Variants in PSMD9 observed in about 807,000 individuals in gnomAD.
PSMD9 encodes the protein proteasome 26S subunit, non-ATPase 9, also known as 26S proteasome non-ATPase regulatory subunit 9.
In PSMD9, 26 loss-of-function variants were observed where a neutral mutation model predicts 25.9. That is an observed-to-expected ratio of 1.00 (90% CI 0.73 to 1.39). The LOEUF is 1.39. Among genes scored for constraint, PSMD9 ranks in the 40% most tolerant of loss-of-function variants. The probability of loss-of-function intolerance (pLI) is 0.00; values close to 1 mark genes in which losing one functional copy is unlikely to be tolerated. For synonymous variants in PSMD9, 110 were observed against 114.5 expected (o/e 0.96, Z 0.25); for missense variants, 303 against 299.3 (o/e 1.01, Z -0.09).
At chr12:121,900,426 C>T (rs1879359328) in intron 3 of PSMD9, among the ~76,000 whole-genome samples, 1 of 151,900 alleles carries the variant, frequency 6.6e-6, no homozygotes, top group African/African-American at 2.4e-5. Flanking sequence ...AGCATTGGCT[C>T]ACGCCTGTAA....
At chr12:121,907,857 T>C (rs546026869) in intron 4 of PSMD9, among the ~76,000 whole-genome samples, 5 of 152,126 alleles carry the variant, frequency 3.3e-5, no homozygotes, top group African/African-American at 1.2e-4. Context: ...CTGGGCAATA[T>C]TGTGAGACTG....
intron 2 of PSMD9, 113 bp downstream of exon 2, chr12:121,894,954 G>T (rs1304946913): frequency 8.7e-6 from 8 of 922,774 alleles, no homozygotes; most frequent in South Asian, 1.5e-5. Flanking sequence ...GCCTTGATGG[G>T]ATTGTCTTGT....
At chr12:121,915,808 C>G (rs778292197) in intron 4 of PSMD9, 48 bp from the exon 5 acceptor site, 3 of 1,490,274 alleles carry the variant, frequency 2.0e-6, no homozygotes, top group Non-Finnish European at 1.8e-6. Flanking sequence ...GCCTGCATCT[C>G]TGAGTACTAA....
In PSMD9 at chr12:121,907,034, G is replaced by A. The variant is rs556785076; in HGVS notation, c.555+3927G>A. Among the ~76,000 whole-genome samples the A allele has an allele frequency of 1.7e-4, 25 of 150,046 alleles. No homozygotes were observed. The South Asian group carries it at 2.1e-3, about 13-fold the overall frequency. On this transcript the variant is annotated intron_variant, in intron 4 of 5. Coordinates refer to ENST00000541212, the MANE Select transcript of PSMD9 (RefSeq NM_002813.7). ...AGACATTTAGATAGTTTGCCATTTT[G>A]TGGAGATTAACACTCTTGCAGATGG...
At chr12:121,900,246 T>C (rs1468269844) in intron 3 of PSMD9, among the ~76,000 whole-genome samples, 3 of 152,202 alleles carry the variant, frequency 2.0e-5, no homozygotes, top group Admixed American at 1.3e-4. Flanking sequence ...CAGTGGCTCA[T>C]GCGTGTAATC....
At chr12:121,909,522 T>C (rs1425071154) in intron 4 of PSMD9, among the ~76,000 whole-genome samples, 1 of 151,848 alleles carries the variant, frequency 6.6e-6, no homozygotes. Flanking sequence ...GGTCTTGCTA[T>C]GTTGCCTAGG....
intron 1 of PSMD9, among the ~76,000 whole-genome samples, chr12:121,891,742 C>T (rs113437513): frequency 4.3e-4 from 65 of 151,524 alleles, no homozygotes; most frequent in Admixed American, 6.6e-4. Flanking sequence ...CCCGTCTCAA[C>T]GAAAAATACA....
intron 3 of PSMD9, among the ~76,000 whole-genome samples, chr12:121,900,517 C>T (rs1188071490): frequency 6.6e-6 from 1 of 150,544 alleles, no homozygotes; most frequent in African/African-American, 2.4e-5. Flanking sequence ...ATGGCGAAAC[C>T]CCGTCTCTAC....
rs563939839 is a variant in PSMD9 at position 121,901,666 on chromosome 12, C to CTTTTTTTTTTTTTTTT, written c.454-1328_454-1313dup. On this transcript the variant is annotated intron_variant, in intron 3 of 5. Transcript: ENST00000541212. ...TGTCATGCCTGGCCCTTCATTCCTT[C>CTTTTTTTTTTTTTTTT]TTTTTTTTTTTTTTTTTTTTTTTTT... 7.5e-4 allele frequency among the ~76,000 whole-genome samples: 70 copies of CTTTTTTTTTTTTTTTT among 93,600 alleles called. 5 individuals carry two copies. The highest frequency in any genetic ancestry group is 1.2e-3 in the African/African-American group (20 of 16,984). 61.4% of individuals were successfully genotyped at this position (93,600 alleles called of 152,430 possible).
chr12:121,910,741 C>G (rs1355351119), intron 4 of PSMD9, among the ~76,000 whole-genome samples: 2 of 150,392 alleles, frequency 1.3e-5, no homozygotes, highest in African/African-American at 4.9e-5. Context: ...GCCTGGGTGA[C>G]AAGAGTGAAA....
chr12:121,895,917 A>C lies in PSMD9; in HGVS notation c.241+1076A>C, dbSNP rs188654221. Among the ~76,000 whole-genome samples the C allele has an allele frequency of 1.3e-3, 202 of 152,312 alleles. 1 individual carries two copies. Among genetic ancestry groups the C allele is most frequent in the Admixed American group, 4.1e-3 (62 of 15,296 alleles). ...AGGTAGGCAACCGTCTCCACCACAG[A>C]GTCCTATTAGCATTTATCCTCCACA... On this transcript the variant is annotated intron_variant, in intron 2 of 5. Transcript: ENST00000541212.
rs1024034232 is a variant in PSMD9, at chr12:121,916,814, G to C, written c.*503G>C. The C allele has an allele frequency of 1.3e-5, 2 of 158,034 alleles. No homozygotes were observed. The highest frequency in any genetic ancestry group is 4.8e-5 in the African/African-American group (2 of 41,498). The allele number at this position is 158,034 out of a possible 1,614,324, so 9.8% of individuals were successfully genotyped here. On this transcript the variant is annotated 3_prime_UTR_variant, in exon 6 of 6. Coordinates refer to ENST00000541212, the MANE Select transcript of PSMD9 (RefSeq NM_002813.7). ...CCTTGCTGCTGTGGATACGGAAATG[G>C]TTAAGTACTGTGCTTCCTCAGCAGC...
chr12:121,908,750 T>C (rs1181034981), intron 4 of PSMD9, among the ~76,000 whole-genome samples: 1 of 151,706 alleles, frequency 6.6e-6, no homozygotes, highest in Non-Finnish European at 1.5e-5. Context: ...ATTGAAGGAG[T>C]GTTCCTCAGG....
Position 121,899,729 on chromosome 12 carries a change from G to A in PSMD9, c.337G>A (p.Ala113Thr), listed in dbSNP as rs372224851. The change falls in exon 3 of 6, where the codon GCT (alanine) becomes ACT (threonine). Residue 113 changes from alanine to threonine, a missense_variant. Transcript: ENST00000541212. ...CAAGGAGAAGCAGGCCCGGGACATG[G>A]CTGAGGCCCACAAAGAGGCCATGAG... ...RDKEKQARDMAEAHKEAMSRK... is the reference protein window; with the variant it reads ...RDKEKQARDMTEAHKEAMSRK... The A allele has an allele frequency of 8.1e-6, 13 of 1,614,024 alleles. No homozygotes were observed. Among genetic ancestry groups the A allele is most frequent in the Non-Finnish European group, 1.1e-5 (13 of 1,180,026 alleles).
rs1879954838 is a variant in PSMD9 at position 121,917,564 on chromosome 12, G to GC, written c.*1256dup. ...CTGTTTTGGCAGTTCTGCCAGGCAA[G>GC]CCCTGTGTTCCTTGGGACTGGTTTT... On this transcript the variant is annotated 3_prime_UTR_variant, in exon 6 of 6. Transcript: ENST00000541212. 6.6e-6 allele frequency: 1 copy of GC among 152,252 alleles called. No individual in the cohort carries two copies. Among genetic ancestry groups the GC allele is most frequent in the South Asian group, 2.1e-4 (1 of 4,834 alleles). The allele number at this position is 152,252 out of a possible 1,614,324, so 9.4% of individuals were successfully genotyped here. A position where few individuals can be genotyped will look rare whatever the true frequency, so the allele number is the denominator to read the frequency against.
intron 4 of PSMD9, among the ~76,000 whole-genome samples, chr12:121,913,081 C>T (rs191708230): frequency 1.3e-5 from 2 of 151,338 alleles, no homozygotes; most frequent in African/African-American, 2.4e-5. Context: ...GGACTACAGG[C>T]GTCCACCACC....
intron 4 of PSMD9, among the ~76,000 whole-genome samples, chr12:121,908,697 A>C (rs1320605753): frequency 3.3e-5 from 5 of 152,194 alleles, no homozygotes; most frequent in Non-Finnish European, 5.9e-5. Flanking sequence ...AAGAGTGTTA[A>C]GAAGCTCAGA....
intron 2 of PSMD9, among the ~76,000 whole-genome samples, chr12:121,896,859 G>GAAAAC (rs1565891044): frequency 6.9e-6 from 1 of 145,218 alleles, no homozygotes; most frequent in African/African-American, 2.6e-5. Context: ...AAAAAGAAAA[G>GAAAAC]AAAAAAAAAT....
At chr12:121,900,022 G>A (rs542504489) in intron 3 of PSMD9, 177 bp downstream of exon 3, 2 of 733,926 alleles carry the variant, frequency 2.7e-6, no homozygotes, top group Admixed American at 2.7e-5. Flanking sequence ...TGGGGGCAGA[G>A]TTTTAGAGAG....
Sources: allele counts gnomAD v4.1 joint callset (sites outside exome capture counted in the v4.1 genomes callset), GRCh38; gene constraint gnomAD v4.1.1; transcripts MANE v1.5; gene names NCBI Gene and HGNC (gene_info 2026-07-23, HGNC 2026-07-21).